RHBDD1: variants seen among roughly 807,000 people sequenced by gnomAD.
The protein encoded by RHBDD1 is rhomboid-related protein 4.
A neutral mutation model predicts 36.3 loss-of-function variants in RHBDD1; 38 were observed. The observed-to-expected ratio is 1.05, with a 90% confidence interval of 0.81 to 1.37. RHBDD1 has a LOEUF of 1.37. Among genes scored for constraint, RHBDD1 ranks in the 40% most tolerant of loss-of-function variants. RHBDD1 has a pLI of 0.00. For synonymous variants in RHBDD1, 151 were observed against 136.5 expected (o/e 1.11, Z -0.74); for missense variants, 393 against 377.6 (o/e 1.04, Z -0.34).
chr2:226,884,733 C>T (rs1946071277), intron 5 of RHBDD1, among the ~76,000 whole-genome samples: 1 of 151,916 alleles, frequency 6.6e-6, no homozygotes, highest in African/African-American at 2.4e-5. Context: ...ATTTTTTAAC[C>T]ATTTGGAAGA....
chr2:226,959,828 T>A (rs888163293), intron 8 of RHBDD1, among the ~76,000 whole-genome samples: 4 of 152,190 alleles, frequency 2.6e-5, no homozygotes, highest in Admixed American at 1.3e-4. Flanking sequence ...GTTGTTTGTT[T>A]ATTTTTTGTT....
At chr2:226,829,113 T>TC in the RHBDD1 span, among the ~76,000 whole-genome samples, 2 of 152,200 alleles carry the variant, frequency 1.3e-5, no homozygotes, top group Non-Finnish European at 1.5e-5. Context: ...GACATCCAAC[T>TC]CTGCCAGCAT....
At chr2:226,877,977 A>T (rs555919992) in intron 5 of RHBDD1, among the ~76,000 whole-genome samples, 24 of 137,904 alleles carry the variant, frequency 1.7e-4, no homozygotes, top group East Asian at 5.8e-4. Flanking sequence ...GGTTTTTCTT[A>T]AAAAAAAGGG....
chr2:226,905,931 A>T (rs1948018481), intron 5 of RHBDD1, among the ~76,000 whole-genome samples: 1 of 152,032 alleles, frequency 6.6e-6, no homozygotes, highest in East Asian at 1.9e-4. Context: ...GGCAGCTGGA[A>T]ATTGAGGTCA....
intron 8 of RHBDD1, among the ~76,000 whole-genome samples, chr2:226,943,984 A>G (rs1950819182): frequency 6.6e-6 from 1 of 152,206 alleles, no homozygotes; most frequent in Non-Finnish European, 1.5e-5. Context: ...AAGGGATCCA[A>G]GTGGCCATTG....
chr2:226,812,880 A>T, the RHBDD1 span, among the ~76,000 whole-genome samples: 2 of 152,220 alleles, frequency 1.3e-5, no homozygotes, highest in Non-Finnish European at 2.9e-5. Flanking sequence ...TGTATACATA[A>T]ATATCACTTG....
the RHBDD1 span, among the ~76,000 whole-genome samples, chr2:226,814,158 C>T: frequency 1.3e-5 from 2 of 152,078 alleles, no homozygotes; most frequent in Non-Finnish European, 2.9e-5. Context: ...AGATGGCATT[C>T]CATGTGGACT....
chr2:226,842,510 C>G (rs546214379), intron 3 of RHBDD1, among the ~76,000 whole-genome samples: 1 of 152,072 alleles, frequency 6.6e-6, no homozygotes, highest in South Asian at 2.1e-4. Context: ...ATATGGCTAC[C>G]CATTTCTCCC....
At chr2:226,898,855 A>C (rs1479804113) in intron 5 of RHBDD1, among the ~76,000 whole-genome samples, 1 of 152,198 alleles carries the variant, frequency 6.6e-6, no homozygotes, top group Non-Finnish European at 1.5e-5. Flanking sequence ...GGAGAGTACA[A>C]TAGGCCACTT....
chr2:226,982,491 A>C lies in RHBDD1; in HGVS notation c.857-12940A>C, dbSNP rs550124902. Among the ~76,000 whole-genome samples, 6 of 152,374 alleles carry C rather than the reference A, an allele frequency of 3.9e-5. No homozygotes were observed. The South Asian group carries it at 1.2e-3, about 32-fold the overall frequency. On this transcript the variant is annotated intron_variant, in intron 8 of 8. Coordinates refer to ENST00000392062, the MANE Select transcript of RHBDD1 (RefSeq NM_001167608.3). Reference sequence around the variant, plus strand: ...GTTGAACTTTTAAAACATTTAAGACAGCATTCAGCATCAATAGATGTAATA... The same window carrying C: ...GTTGAACTTTTAAAACATTTAAGACCGCATTCAGCATCAATAGATGTAATA...
intron 8 of RHBDD1, among the ~76,000 whole-genome samples, chr2:226,916,229 C>T (rs7560867): frequency 2.0e-5 from 3 of 151,926 alleles, no homozygotes; most frequent in Admixed American, 2.0e-4. Context: ...TTGGAGGAAC[C>T]GCAAAGTCAC....
At chr2:226,924,302 A>G (rs1334216738) in intron 8 of RHBDD1, among the ~76,000 whole-genome samples, 1 of 152,138 alleles carries the variant, frequency 6.6e-6, no homozygotes, top group Non-Finnish European at 1.5e-5. Context: ...TCTAGAAATG[A>G]TGTCTGGTAA....
intron 5 of RHBDD1, among the ~76,000 whole-genome samples, chr2:226,902,771 C>T (rs982320301): frequency 1.3e-5 from 2 of 152,158 alleles, no homozygotes; most frequent in African/African-American, 4.8e-5. Flanking sequence ...GAGGATGACG[C>T]AATGAGTTCT....
intron 8 of RHBDD1, among the ~76,000 whole-genome samples, chr2:226,980,420 G>C (rs970140258): frequency 6.6e-6 from 1 of 152,122 alleles, no homozygotes; most frequent in South Asian, 2.1e-4. Context: ...AAGAGAAAAC[G>C]GGAGATTTGG....
intron 7 of RHBDD1, among the ~76,000 whole-genome samples, chr2:226,910,473 C>G (rs1207319105): frequency 1.3e-5 from 2 of 151,868 alleles, no homozygotes; most frequent in African/African-American, 2.4e-5. Context: ...TATGGCTGTC[C>G]TTAGCTGGAA....
intron 8 of RHBDD1, among the ~76,000 whole-genome samples, chr2:226,966,172 T>G (rs767225734): frequency 6.6e-6 from 1 of 152,144 alleles, no homozygotes; most frequent in Non-Finnish European, 1.5e-5. Context: ...AGTTAACTAC[T>G]CTCCTAAATA....
intron 8 of RHBDD1, among the ~76,000 whole-genome samples, chr2:226,922,353 G>A (rs1949383032): frequency 6.6e-6 from 1 of 151,550 alleles, no homozygotes; most frequent in Admixed American, 6.6e-5. Flanking sequence ...GACTACAGGT[G>A]CCTGCTGCCA....
At chr2:226,907,930 T>C (rs1218980690) in intron 6 of RHBDD1, among the ~76,000 whole-genome samples, 1 of 152,212 alleles carries the variant, frequency 6.6e-6, no homozygotes, top group Non-Finnish European at 1.5e-5. Context: ...CTCGGGAGTT[T>C]AATGTCTTGT....
At chr2:226,962,972 C>T (rs1003813772) in intron 8 of RHBDD1, among the ~76,000 whole-genome samples, 2 of 152,128 alleles carry the variant, frequency 1.3e-5, no homozygotes, top group African/African-American at 4.8e-5. Flanking sequence ...GAACTTTGGG[C>T]TGGATGATTC....
Sources: allele counts gnomAD v4.1 joint callset (sites outside exome capture counted in the v4.1 genomes callset), GRCh38; gene constraint gnomAD v4.1.1; transcripts MANE v1.5; gene names NCBI Gene and HGNC (gene_info 2026-07-23, HGNC 2026-07-21).